RABEP1: variants seen among roughly 807,000 people sequenced by gnomAD.
The protein encoded by RABEP1 is rabaptin, RAB GTPase binding effector protein 1.
A neutral mutation model predicts 123.4 loss-of-function variants in RABEP1; 51 were observed. That is an observed-to-expected ratio of 0.41 (90% CI 0.33 to 0.52). RABEP1 has a LOEUF of 0.52. Among genes scored for constraint, RABEP1 ranks in the 20% least tolerant of loss-of-function variants. The pLI is 0.16. For missense variants in RABEP1, 888 were observed against 996.3 expected (o/e 0.89, Z 1.46); for synonymous variants, 347 against 355.2 (o/e 0.98, Z 0.26).
intron 5 of RABEP1, among the ~76,000 whole-genome samples, chr17:5,343,524 C>T (rs957639940): frequency 8.5e-5 from 13 of 152,130 alleles, no homozygotes; most frequent in African/African-American, 3.1e-4. Flanking sequence ...TGGGCCACTG[C>T]ACTCCAGCCC....
chr17:5,298,633 G>C (rs1269513854), intron 1 of RABEP1, among the ~76,000 whole-genome samples: 2 of 150,788 alleles, frequency 1.3e-5, no homozygotes, highest in Admixed American at 1.3e-4. Flanking sequence ...CCAGTCTCAC[G>C]TATAACTCCC....
intron 10 of RABEP1, among the ~76,000 whole-genome samples, chr17:5,363,573 C>A (rs1909753774): frequency 6.6e-6 from 1 of 152,090 alleles, no homozygotes; most frequent in South Asian, 2.1e-4. Flanking sequence ...AGGGACACTA[C>A]CTAATCTCTT....
intron 2 of RABEP1, among the ~76,000 whole-genome samples, chr17:5,319,362 AC>A (rs1431164453): frequency 2.0e-4 from 26 of 129,954 alleles, no homozygotes; most frequent in African/African-American, 3.9e-4. Flanking sequence ...AAAAAAAAAA[AC>A]ATATATATTT....
intron 17 of RABEP1, among the ~76,000 whole-genome samples, chr17:5,382,360 GCGTGAGC>G (rs1344614742): frequency 6.6e-6 from 1 of 151,778 alleles, no homozygotes; most frequent in Non-Finnish European, 1.5e-5. Flanking sequence ...GGGATTACAG[GCGTGAGC>G]CACCGTGCCC....
At chr17:5,366,469 GGA>G (rs1342863311) in intron 11 of RABEP1, among the ~76,000 whole-genome samples, 1 of 152,012 alleles carries the variant, frequency 6.6e-6, no homozygotes, top group Non-Finnish European at 1.5e-5. Flanking sequence ...TTTTTGAGAT[GGA>G]ATCTTGCTCT....
intron 2 of RABEP1, among the ~76,000 whole-genome samples, chr17:5,311,694 T>A (rs1318559682): frequency 4.1e-4 from 21 of 51,754 alleles, no homozygotes; most frequent in African/African-American, 1.8e-3. Flanking sequence ...AGCGACTTCA[T>A]CTCAAAAAAA....
At chr17:5,345,955 A>G (rs1908028023) in intron 5 of RABEP1, among the ~76,000 whole-genome samples, 3 of 149,586 alleles carry the variant, frequency 2.0e-5, no homozygotes, top group Middle Eastern at 3.5e-3. Context: ...TCTGGGGAAG[A>G]ATTGTATTTT....
chr17:5,361,826 TG>T, intron 9 of RABEP1, 151 bp downstream of exon 9: 3 of 642,014 alleles, frequency 4.7e-6, no homozygotes, highest in Non-Finnish European at 5.3e-6. Flanking sequence ...ACCTGACCCT[TG>T]TCATAGTCTG....
chr17:5,356,825 T>C (rs1411590455), intron 8 of RABEP1, among the ~76,000 whole-genome samples: 1 of 151,650 alleles, frequency 6.6e-6, no homozygotes, highest in Non-Finnish European at 1.5e-5. Context: ...TAATTTTTTG[T>C]AGAGACGGTG....
In RABEP1 at chr17:5,332,730, T is replaced by C. The variant is rs542464262; in HGVS notation, c.367+578T>C. 2.0e-5 allele frequency among the ~76,000 whole-genome samples: 3 copies of C among 150,456 alleles called. No individual in the cohort carries two copies. The South Asian group carries it at 6.4e-4, about 32-fold the overall frequency. ...CTCAAGCGATTCTCCTGCCTCAGCC[T>C]CCCGAGTAGCTGGGATTACAAGCAT... On this transcript the variant is annotated intron_variant, in intron 3 of 17. Coordinates refer to ENST00000537505, the MANE Select transcript of RABEP1 (RefSeq NM_004703.6).
Position 5,282,326 on chromosome 17 carries a change from G to A in RABEP1, c.-161G>A, listed in dbSNP as rs542995528. 1.4e-3 allele frequency: 685 copies of A among 490,242 alleles called. 2 individuals carry two copies. The highest frequency in any genetic ancestry group is 0.012 in the African/African-American group (623 of 50,030). The allele number at this position is 490,242 out of a possible 1,614,324, so 30.4% of individuals were successfully genotyped here. A position where few individuals can be genotyped will look rare whatever the true frequency, so the allele number is the denominator to read the frequency against. ...GAGGTCGGCGGTCGGGTCCGTCTCT[G>A]CCCGCGGCTGTGGCGGCGCCGGCGG... On this transcript the variant is annotated 5_prime_UTR_variant, in exon 1 of 18. Coordinates refer to ENST00000537505, the MANE Select transcript of RABEP1 (RefSeq NM_004703.6).
chr17:5,317,869 T>C (rs1406278708), intron 2 of RABEP1, among the ~76,000 whole-genome samples: 1 of 152,114 alleles, frequency 6.6e-6, no homozygotes, highest in Non-Finnish European at 1.5e-5. Context: ...AGTTGATCAT[T>C]AGTGGCCATT....
chr17:5,346,662 T>A, intron 5 of RABEP1, 128 bp from the exon 6 acceptor site: 2 of 475,254 alleles, frequency 4.2e-6, no homozygotes, highest in Non-Finnish European at 6.7e-6. Flanking sequence ...AAATTATAAA[T>A]GTTAATTTAT....
chr17:5,293,826 C>G (rs77681276), intron 1 of RABEP1, among the ~76,000 whole-genome samples: 182 of 152,220 alleles, frequency 1.2e-3, no homozygotes, highest in African/African-American at 4.0e-3. Context: ...CTGCTCATAA[C>G]TTATGTTGTT....
chr17:5,324,524 G>C (rs190945671), intron 2 of RABEP1, among the ~76,000 whole-genome samples: 1 of 152,328 alleles, frequency 6.6e-6, no homozygotes, highest in African/African-American at 2.4e-5. Flanking sequence ...TCTGAGCAAA[G>C]ATTTGTGTGT....
At chr17:5,290,972 A>G (rs2075027629) in intron 1 of RABEP1, among the ~76,000 whole-genome samples, 1 of 152,214 alleles carries the variant, frequency 6.6e-6, no homozygotes, top group Non-Finnish European at 1.5e-5. Context: ...TATACAAATT[A>G]GTAACTTGCC....
chr17:5,368,450 G>C lies in RABEP1; in HGVS notation c.1866G>C (p.Arg622Ser). The change falls in exon 12 of 18, where the codon AGG (arginine) becomes AGC (serine). Residue 622 changes from arginine (R) to serine (S), a missense_variant. By Grantham distance (110) the Arg-to-Ser change is moderately radical (BLOSUM62 -1). Coordinates refer to ENST00000537505, the MANE Select transcript of RABEP1 (RefSeq NM_004703.6). The stretch of plus-strand genomic sequence containing the variant: ...AGCAGGGGCTTTCCCAGGCAAAGAG[G>C]GATGTTCAGGAACAGATGGTAAGTT... ...ELQQGLSQAKRDVQEQMAVLM... is the reference protein window; with the variant it reads ...ELQQGLSQAKSDVQEQMAVLM... 6.2e-7 allele frequency: 1 copy of C among 1,612,294 alleles called. No individual in the cohort carries two copies. Among genetic ancestry groups the C allele is most frequent in the Non-Finnish European group, 8.5e-7 (1 of 1,178,988 alleles).
At chr17:5,289,444 G>C (rs536233053) in intron 1 of RABEP1, among the ~76,000 whole-genome samples, 1 of 142,968 alleles carries the variant, frequency 7.0e-6, no homozygotes, top group Non-Finnish European at 1.5e-5. Context: ...TTAAATTTAT[G>C]GTTTCTGGGT....
intron 11 of RABEP1, among the ~76,000 whole-genome samples, chr17:5,367,030 A>G (rs564601408): frequency 6.6e-6 from 1 of 151,044 alleles, no homozygotes; most frequent in Non-Finnish European, 1.5e-5. Context: ...CGGAGGTTGC[A>G]GTGAGCCAAG....
Sources: allele counts gnomAD v4.1 joint callset (sites outside exome capture counted in the v4.1 genomes callset), GRCh38; gene constraint gnomAD v4.1.1; transcripts MANE v1.5; gene names NCBI Gene and HGNC (gene_info 2026-07-23, HGNC 2026-07-21).